Variants in CD226 observed in about 807,000 individuals in gnomAD.
CD226 encodes the protein CD226 molecule.
Under a neutral mutation model 34.9 loss-of-function variants are expected in CD226, and 24 were observed. That is an observed-to-expected ratio of 0.69 (90% confidence interval 0.50 to 0.97). CD226 has a LOEUF of 0.97. CD226 is among the 50% of genes least tolerant of loss of function. The pLI, the probability that CD226 is intolerant of heterozygous loss-of-function variation, is 0.00. For missense variants in CD226, 397 were observed against 412.7 expected (o/e 0.96, Z 0.33); for synonymous variants, 148 against 147.4 (o/e 1.00, Z -0.03).
At chr18:69,874,822 TA>T (rs1983761846) in intron 3 of CD226, among the ~76,000 whole-genome samples, 1 of 152,246 alleles carries the variant, frequency 6.6e-6, no homozygotes, top group Non-Finnish European at 1.5e-5. Flanking sequence ...AGTGAAGTCA[TA>T]CAAAATTTTT....
At chr18:69,927,507 C>T (rs889738601) in intron 2 of CD226, among the ~76,000 whole-genome samples, 7 of 152,044 alleles carry the variant, frequency 4.6e-5, no homozygotes, top group Admixed American at 1.3e-4. Context: ...CTCACAGAAT[C>T]GAAATCCTAC....
upstream of CD226, among the ~76,000 whole-genome samples, chr18:69,961,119 T>C (rs1053370319): frequency 6.6e-6 from 1 of 152,236 alleles, no homozygotes; most frequent in Non-Finnish European, 1.5e-5. Flanking sequence ...CTTTATTGTA[T>C]ATCCTATCCA....
chr18:69,888,659 A>C (rs1984707485), intron 3 of CD226, among the ~76,000 whole-genome samples: 1 of 152,120 alleles, frequency 6.6e-6, no homozygotes, highest in Non-Finnish European at 1.5e-5. Context: ...AAGAGTTGAA[A>C]ATTCAATCAG....
At chr18:69,918,211 T>C (rs1310360907) in intron 2 of CD226, among the ~76,000 whole-genome samples, 1 of 152,178 alleles carries the variant, frequency 6.6e-6, no homozygotes, top group Non-Finnish European at 1.5e-5. Flanking sequence ...CAATTACAAA[T>C]TCAGTTCAAA....
rs73970293 is a variant in CD226, at chr18:69,873,286, G to A, written c.728-40C>T. 2,988 of 1,036,848 alleles carry A rather than the reference G, an allele frequency of 2.9e-3. 41 individuals are homozygous for A. The African/African-American group carries it at 0.035, about 12-fold the overall frequency. The allele number at this position is 1,036,848 out of a possible 1,614,324, so 64.2% of individuals were successfully genotyped here. ...AAATATTGTAGGAATTAGGAATTCA[G>A]CCAAAGGCAGTAAAAAGTAAGGCAG... On this transcript the variant is annotated intron_variant, in intron 3 of 5. Transcript: ENST00000582621.
chr18:69,924,678 G>A (rs1227094600), intron 2 of CD226, among the ~76,000 whole-genome samples: 2 of 110,462 alleles, frequency 1.8e-5, no homozygotes, highest in Non-Finnish European at 3.5e-5. Flanking sequence ...GCAACAGTAG[G>A]ATGAAGGTAT....
chr18:69,916,566 G>T (rs1329896118), intron 2 of CD226, among the ~76,000 whole-genome samples: 1 of 152,098 alleles, frequency 6.6e-6, no homozygotes, highest in East Asian at 1.9e-4. Flanking sequence ...AATACAAAAA[G>T]TATATTTGTT....
rs943351474 is a variant in CD226, at chr18:69,853,771, C to T, written c.*10543G>A. The T allele has an allele frequency of 1.3e-5, 2 of 152,148 alleles. No homozygotes were observed. Among genetic ancestry groups the T allele is most frequent in the Non-Finnish European group, 2.9e-5 (2 of 68,034 alleles). The allele number at this position is 152,148 out of a possible 1,614,324, so 9.4% of individuals were successfully genotyped here. On this transcript the variant is annotated 3_prime_UTR_variant, in exon 6 of 6. Coordinates refer to ENST00000582621, the MANE Select transcript of CD226 (RefSeq NM_001303618.2). ...ACAAATTTTCCTTATTACCTTTTGCCTCTGGACTTGAATATTTGTATAAGG... is the reference window on the plus strand; with the variant it reads ...ACAAATTTTCCTTATTACCTTTTGCTTCTGGACTTGAATATTTGTATAAGG...
chr18:69,956,640 T>C (rs2055899845), intron 1 of CD226: 1 of 148,842 alleles, frequency 6.7e-6, no homozygotes, highest in African/African-American at 2.4e-5. Context: ...AACTCTCTTG[T>C]CCTGCTGCAT....
At chr18:69,889,406 G>C (rs1984752189) in intron 3 of CD226, among the ~76,000 whole-genome samples, 1 of 151,654 alleles carries the variant, frequency 6.6e-6, no homozygotes, top group South Asian at 2.1e-4. Flanking sequence ...CACCAGTTCA[G>C]ACAATCCTCA....
upstream of CD226, chr18:69,947,895 G>C (rs1056124809): frequency 6.6e-6 from 1 of 152,244 alleles, no homozygotes; most frequent in African/African-American, 2.4e-5. Flanking sequence ...ATGAGGCAGA[G>C]GCTGAAGTGG....
At chr18:69,949,011 A>G (rs190233596), upstream of CD226, among the ~76,000 whole-genome samples, 92 of 152,272 alleles carry the variant, frequency 6.0e-4, no homozygotes, top group Non-Finnish European at 9.1e-4. Context: ...AAGTGGGGGG[A>G]AAACAGAGGC....
rs754237954 is a variant in CD226 at position 69,946,803 on chromosome 18, A to G, written c.313T>C (p.Tyr105His). 6.2e-7 allele frequency: 1 copy of G among 1,614,182 alleles called. No homozygotes were observed. The highest frequency in any genetic ancestry group is 8.5e-7 in the Non-Finnish European group (1 of 1,180,032). ...FRNASEDDVGYYSCSLYTYPQ... is the reference protein window; with the variant it reads ...FRNASEDDVGHYSCSLYTYPQ... ...TAAGTGTAAAGAGAGCAGGAATAGTAGCCAACATCATCTTCAGAGGCATTC... is the reference window on the plus strand; with the variant it reads ...TAAGTGTAAAGAGAGCAGGAATAGTGGCCAACATCATCTTCAGAGGCATTC... Residue 105 changes from tyrosine to histidine, a missense_variant, in exon 2 of 6, where the codon TAC becomes CAC. Transcript: ENST00000582621.
chr18:69,892,307 A>T (rs1984951318), intron 3 of CD226, among the ~76,000 whole-genome samples: 1 of 152,208 alleles, frequency 6.6e-6, no homozygotes, highest in Non-Finnish European at 1.5e-5. Flanking sequence ...CATTTAGCTA[A>T]TATTAAAATA....
chr18:69,954,139 G>A (rs17081923), intron 1 of CD226, among the ~76,000 whole-genome samples: 2,194 of 152,124 alleles, frequency 0.014, 56 homozygotes, highest in African/African-American at 0.051. Context: ...ACCAATGAAT[G>A]AGGCCACCCC....
At chr18:69,956,926 T>G (rs2055902888) in exon 1 of CD226, 1 of 152,270 alleles carries the variant, frequency 6.6e-6, no homozygotes, top group Admixed American at 6.5e-5. Flanking sequence ...AGGGGAGCGT[T>G]CAGCCCACTC....
intron 4 of CD226, among the ~76,000 whole-genome samples, chr18:69,868,282 A>T (rs1983272226): frequency 6.6e-6 from 1 of 152,228 alleles, no homozygotes; most frequent in Admixed American, 6.5e-5. Flanking sequence ...ATTGAACAAC[A>T]GACTCCTCTG....
chr18:69,936,659 T>C (rs1461057658), intron 2 of CD226, among the ~76,000 whole-genome samples: 1 of 152,146 alleles, frequency 6.6e-6, no homozygotes, highest in African/African-American at 2.4e-5. Flanking sequence ...CATGGATATA[T>C]AAAACCTTTA....
In CD226 at chr18:69,898,208, GA is replaced by G. The variant is rs568664495; in HGVS notation, c.383-2164del. On this transcript the variant is annotated intron_variant, in intron 2 of 5. Transcript: ENST00000582621. ...AGAAATGAAAGAACATAAAAGAAAT[GA>G]AAAAAAGGAGGAGAAATCGACTTTC... Among the ~76,000 whole-genome samples, 473 of 152,112 alleles carry G rather than the reference GA, an allele frequency of 3.1e-3. 5 individuals are homozygous for G. The highest frequency in any genetic ancestry group is 2.9e-3 in the Non-Finnish European group (199 of 67,968).
Sources: allele counts gnomAD v4.1 joint callset (sites outside exome capture counted in the v4.1 genomes callset), GRCh38; gene constraint gnomAD v4.1.1; transcripts MANE v1.5; gene names NCBI Gene and HGNC (gene_info 2026-07-23, HGNC 2026-07-21).